Variants in VPS35L observed in about 807,000 individuals in gnomAD.
The protein encoded by VPS35L is VPS35 endosomal protein-sorting factor-like.
A neutral mutation model predicts 133.0 loss-of-function variants in VPS35L; 83 were observed. The observed-to-expected ratio is 0.62, with a 90% confidence interval of 0.52 to 0.75. VPS35L has a LOEUF of 0.75. Among genes scored for constraint, VPS35L ranks in the 30% least tolerant of loss-of-function variants. The pLI is 0.00. For missense variants in VPS35L, 1,083 were observed against 1,206.8 expected (o/e 0.90, Z 1.52); for synonymous variants, 423 against 449.9 (o/e 0.94, Z 0.76).
At position 19,682,286 on chromosome 16, in the gene VPS35L, A is replaced by G. The variant is rs1381033299; in HGVS notation, c.2423A>G (p.Tyr808Cys). 1 of 1,614,062 alleles carries G rather than the reference A, an allele frequency of 6.2e-7. No individual in the cohort carries two copies. The highest frequency in any genetic ancestry group is 8.5e-7 in the Non-Finnish European group (1 of 1,180,016). Residue 808 changes from tyrosine to cysteine, a missense_variant, in exon 28 of 31, where the codon TAC becomes TGC. Physicochemically the swap from Tyr to Cys is radical, Grantham distance 194. Transcript: ENST00000417362. Reference sequence around the variant, plus strand: ...GAGCTTCTCAACGTGATCCAGGACTACACCTGGGAGGACAACAGCGATGAG... The same window carrying G: ...GAGCTTCTCAACGTGATCCAGGACTGCACCTGGGAGGACAACAGCGATGAG... ...VRELLNVIQDYTWEDNSDEKI... is the reference protein window; with the variant it reads ...VRELLNVIQDCTWEDNSDEKI...
chr16:19,591,713 T>C, intron 7 of VPS35L, 77 bp from the exon 8 acceptor site: 1 of 1,115,918 alleles, frequency 9.0e-7, no homozygotes, highest in South Asian at 1.3e-5. Flanking sequence ...TAGAAACCAT[T>C]AATTTTTCAG....
At chr16:19,627,583 AC>A in intron 15 of VPS35L, 110 bp from the exon 16 acceptor site, 1 of 842,238 alleles carries the variant, frequency 1.2e-6, no homozygotes, top group Non-Finnish European at 2.0e-6. Context: ...TTTTTCCCCA[AC>A]CCTACCGCTA....
intron 23 of VPS35L, among the ~76,000 whole-genome samples, chr16:19,646,219 C>G (rs1973944182): frequency 6.6e-6 from 1 of 152,150 alleles, no homozygotes. Flanking sequence ...GGTTTTGGTG[C>G]TGGATATGGG....
At chr16:19,589,807 T>C (rs1971983460) in intron 7 of VPS35L, among the ~76,000 whole-genome samples, 1 of 152,224 alleles carries the variant, frequency 6.6e-6, no homozygotes, top group African/African-American at 2.4e-5. Context: ...CTGTGTTTAA[T>C]TTGAAATCCT....
chr16:19,627,857 G>A (rs755826175), intron 16 of VPS35L, 52 bp downstream of exon 16: 2 of 1,404,016 alleles, frequency 1.4e-6, no homozygotes, highest in East Asian at 4.6e-5. Flanking sequence ...GTGTGTATCT[G>A]ATAGCTCTTG....
intron 19 of VPS35L, 139 bp from the exon 20 acceptor site, chr16:19,637,455 T>G (rs896565632): frequency 1.8e-6 from 1 of 568,112 alleles, no homozygotes; most frequent in Non-Finnish European, 3.0e-6. Flanking sequence ...CTTACCTTAT[T>G]GTAGTAATAA....
intron 18 of VPS35L, among the ~76,000 whole-genome samples, chr16:19,631,958 ATTTT>A (rs35363007): frequency 6.6e-6 from 1 of 150,764 alleles, no homozygotes; most frequent in Non-Finnish European, 1.5e-5. Context: ...AAAGTTACTA[ATTTT>A]TTTTTTCTTC....
intron 4 of VPS35L, among the ~76,000 whole-genome samples, chr16:19,574,014 T>C (rs7191449): frequency 0.18 from 27,078 of 152,004 alleles, 2,715 homozygotes; most frequent in African/African-American, 0.26. Context: ...GGCTTACCCT[T>C]CACTTGGCAA....
At chr16:19,556,786 C>T (rs1247656008) in intron 1 of VPS35L, among the ~76,000 whole-genome samples, 2 of 151,068 alleles carry the variant, frequency 1.3e-5, no homozygotes, top group African/African-American at 2.4e-5. Context: ...CATTGAATGC[C>T]TCTGAGCACT....
intron 29 of VPS35L, among the ~76,000 whole-genome samples, chr16:19,695,390 GGA>G (rs1204032726): frequency 1.3e-5 from 2 of 152,234 alleles, no homozygotes; most frequent in Non-Finnish European, 2.9e-5. Context: ...TTTCTCTGGT[GGA>G]GAGAGGGGTT....
At chr16:19,670,366 A>G (rs551055041) in intron 27 of VPS35L, among the ~76,000 whole-genome samples, 82 of 152,360 alleles carry the variant, frequency 5.4e-4, no homozygotes, top group African/African-American at 1.8e-3. Flanking sequence ...CAAGATGTCC[A>G]GCATGGAATC....
chr16:19,624,220 A>G (rs1438775228), intron 14 of VPS35L, among the ~76,000 whole-genome samples: 1 of 143,634 alleles, frequency 7.0e-6, no homozygotes, highest in Non-Finnish European at 1.5e-5. Context: ...GGCTCAAGTG[A>G]TCCTCCCACC....
At chr16:19,675,798 C>G (rs12928663) in intron 27 of VPS35L, among the ~76,000 whole-genome samples, 13 of 151,756 alleles carry the variant, frequency 8.6e-5, no homozygotes, top group Admixed American at 6.6e-4. Context: ...GCTCAGCCCC[C>G]CTCCGCCTCC....
chr16:19,626,170 A>G lies in VPS35L; in HGVS notation c.1225-7A>G, dbSNP rs981540032. The G allele has an allele frequency of 4.5e-6, 7 of 1,569,504 alleles. No individual in the cohort carries two copies. The highest frequency in any genetic ancestry group is 4.1e-5 in the African/African-American group (3 of 72,588). On this transcript the variant is annotated splice_polypyrimidine_tract_variant and splice_region_variant and intron_variant, in intron 14 of 30. Coordinates refer to ENST00000417362, the MANE Select transcript of VPS35L (RefSeq NM_020314.7). ...TTTTTTAATTATTATTATTTTTAACATAATAGGCTCTGCTGACCGAGATGA... is the reference window on the plus strand; with the variant it reads ...TTTTTTAATTATTATTATTTTTAACGTAATAGGCTCTGCTGACCGAGATGA...
intron 2 of VPS35L, among the ~76,000 whole-genome samples, chr16:19,565,185 T>C (rs891487379): frequency 2.0e-5 from 3 of 151,622 alleles, no homozygotes; most frequent in African/African-American, 7.3e-5. Context: ...CCCGAGTAGC[T>C]GGGGCTATAG....
chr16:19,650,595 A>G (rs1253196861), intron 25 of VPS35L, 136 bp downstream of exon 25: 2 of 700,960 alleles, frequency 2.9e-6, no homozygotes, highest in East Asian at 2.8e-5. Context: ...TTTCAGATTA[A>G]TTTTTCCCTG....
Position 19,699,595 on chromosome 16 carries a change from G to T in VPS35L, c.2740G>T (p.Val914Phe), listed in dbSNP as rs762878146. The T allele has an allele frequency of 4.3e-6, 7 of 1,614,086 alleles. No homozygotes were observed. Among genetic ancestry groups the T allele is most frequent in the Middle Eastern group, 1.6e-4 (1 of 6,062 alleles). Residue 914 changes from valine (V) to phenylalanine (F), a missense_variant, in exon 30 of 31, where the codon GTC (valine) becomes TTC (phenylalanine). By Grantham distance (50) the Val-to-Phe change is conservative (BLOSUM62 -1). Transcript: ENST00000417362. The surrounding 1 kb of genome is among the most constrained non-coding windows in gnomAD (Gnocchi z 4.2). ...CAACAACAAGCTCAACCAGCTCTCC[G>T]TCAACCTGTGGCACCTGGCACAGAG... Reference protein sequence around the residue: ...LRNNKLNQLSVNLWHLAQRHG... With the variant: ...LRNNKLNQLSFNLWHLAQRHG...
chr16:19,649,243 G>T (rs529089148), intron 24 of VPS35L, among the ~76,000 whole-genome samples: 1 of 152,000 alleles, frequency 6.6e-6, no homozygotes, highest in South Asian at 2.1e-4. Flanking sequence ...CACCTGCCTC[G>T]GCGTCCCAAA....
At chr16:19,635,640 T>TCA (rs1973600748) in intron 19 of VPS35L, among the ~76,000 whole-genome samples, 1 of 152,188 alleles carries the variant, frequency 6.6e-6, no homozygotes, top group Non-Finnish European at 1.5e-5. Context: ...CCCAATTTGA[T>TCA]GACAGCAAGT....
Sources: gnomAD v4.1 joint callset for allele counts (sites outside exome capture counted in the v4.1 genomes callset) on GRCh38, gnomAD v4.1.1 for gene constraint, Gnocchi (gnomAD v3.1) non-coding constraint, MANE v1.5 for transcripts, NCBI Gene and HGNC (gene_info 2026-07-23, HGNC 2026-07-21) for gene names.